DNAH10: variants seen among roughly 807,000 people sequenced by gnomAD.
The protein encoded by DNAH10 is axonemal beta dynein heavy chain 10.
A neutral mutation model predicts 506.6 loss-of-function variants in DNAH10; 348 were observed. The observed-to-expected ratio is 0.69, with a 90% CI of 0.63 to 0.75. The LOEUF (loss-of-function observed/expected upper bound fraction) is 0.75, where lower values mean the gene tolerates loss of function less well. Ranked by LOEUF, DNAH10 falls within the 30% of genes least tolerant of loss-of-function variation. DNAH10 has a pLI of 0.00. For synonymous variants in DNAH10, 2,059 were observed against 2,198.6 expected (o/e 0.94, Z 1.78); for missense variants, 5,179 against 5,787.1 (o/e 0.89, Z 3.41).
intron 56 of DNAH10, among the ~76,000 whole-genome samples, chr12:123,901,287 A>C (rs1953508205): frequency 2.0e-5 from 3 of 148,434 alleles, no homozygotes; most frequent in Admixed American, 6.7e-5. Context: ...ACCACCCCCC[A>C]CCCCCGCGCC....
intron 59 of DNAH10, among the ~76,000 whole-genome samples, chr12:123,910,902 A>C (rs535732303): frequency 8.9e-4 from 136 of 152,250 alleles, no homozygotes; most frequent in African/African-American, 3.1e-3. Context: ...ACTTCCTGTG[A>C]AAGTGTAGTA....
In DNAH10 at chr12:123,866,152, G is replaced by A. The variant is rs191273653; in HGVS notation, c.7167+79G>A. 4.2e-5 allele frequency: 49 copies of A among 1,162,480 alleles called. No homozygotes were observed. The Admixed American group carries it at 6.6e-4, about 16-fold the overall frequency. The allele number at this position is 1,162,480 out of a possible 1,614,324, so 72.0% of individuals were successfully genotyped here. A position where few individuals can be genotyped will look rare whatever the true frequency, so the allele number is the denominator to read the frequency against. On this transcript the variant is annotated intron_variant, in intron 41 of 78. Coordinates refer to ENST00000673944, the MANE Select transcript of DNAH10 (RefSeq NM_001372106.1). Reference sequence around the variant, plus strand: ...GATAACATAGTCCAGAGGGATGTTTGTAGTTGAAGGCGATGACTTTGTCCT... The same window carrying A: ...GATAACATAGTCCAGAGGGATGTTTATAGTTGAAGGCGATGACTTTGTCCT...
chr12:123,814,142 A>G (rs1323348248), intron 21 of DNAH10: 1 of 375,996 alleles, frequency 2.7e-6, no homozygotes, highest in Non-Finnish European at 4.6e-6. Flanking sequence ...TACCATTTCC[A>G]TTCTCCCTTT....
chr12:123,868,925 C>T (rs1039755778), intron 43 of DNAH10, among the ~76,000 whole-genome samples: 2 of 152,218 alleles, frequency 1.3e-5, no homozygotes, highest in Admixed American at 1.3e-4. Flanking sequence ...TTTTCAGCTC[C>T]GCCAGCCACG....
chr12:123,852,785 G>C (rs1484085484), intron 35 of DNAH10, among the ~76,000 whole-genome samples: 2 of 152,116 alleles, frequency 1.3e-5, no homozygotes, highest in Non-Finnish European at 2.9e-5. Context: ...TGTTGGCTAG[G>C]CTGGTCTTGA....
intron 56 of DNAH10, among the ~76,000 whole-genome samples, chr12:123,899,804 TCCATGTCTGTGAGC>T (rs1953434089): frequency 6.6e-6 from 1 of 152,248 alleles, no homozygotes; most frequent in Admixed American, 6.5e-5. Flanking sequence ...TTCAGCATCT[TCCATGTCTGTGAGC>T]TACCATATCT....
chr12:123,767,749 G>T, intron 2 of DNAH10, 60 bp downstream of exon 2: 1 of 1,431,462 alleles, frequency 7.0e-7, no homozygotes, highest in South Asian at 1.2e-5. Flanking sequence ...CGCAGCGGGA[G>T]TAGGGTGCTG....
chr12:123,864,540 T>C (rs1951729728), intron 39 of DNAH10, 55 bp from the exon 40 acceptor site: 1 of 1,581,904 alleles, frequency 6.3e-7, no homozygotes, highest in African/African-American at 1.4e-5. Flanking sequence ...TATACCAAGT[T>C]CCATAATTGG....
rs1458810306 is a variant in DNAH10, at chr12:123,919,196, C to G, written c.11506+247C>G. 6.6e-6 allele frequency among the ~76,000 whole-genome samples: 1 copy of G among 152,072 alleles called. No individual in the cohort carries two copies. Among genetic ancestry groups the G allele is most frequent in the Non-Finnish European group, 1.5e-5 (1 of 67,998 alleles). ...GCTCAGGTGATCCTCCTACCTCAGCCTCCAGAGTAGCTGGGACTAAAGGCA... is the reference window on the plus strand; with the variant it reads ...GCTCAGGTGATCCTCCTACCTCAGCGTCCAGAGTAGCTGGGACTAAAGGCA... On this transcript the variant is annotated intron_variant, in intron 65 of 78. Transcript: ENST00000673944. This position sits in a 1 kb window ranked among gnomAD's most constrained non-coding sequence, Gnocchi z 4.9.
At position 123,805,027 on chromosome 12, in the gene DNAH10, A is replaced by G; in HGVS notation, c.2974A>G (p.Lys992Glu). The change falls in exon 18 of 79, where the codon AAG becomes GAG. Residue 992 changes from lysine to glutamate, a missense_variant. Coordinates refer to ENST00000673944, the MANE Select transcript of DNAH10 (RefSeq NM_001372106.1). ...AAAGAAAATTTATGAGGTCCTGACA[A>G]AGCTCATCCTGAAGTAAGTTCATCT... ...WEKKIYEVLT[K>E]LILKNLQSFN... The G allele has an allele frequency of 6.2e-7, 1 of 1,614,174 alleles. No homozygotes were observed. Among genetic ancestry groups the G allele is most frequent in the Non-Finnish European group, 8.5e-7 (1 of 1,180,022 alleles).
intron 52 of DNAH10, 141 bp from the exon 53 acceptor site, chr12:123,893,092 C>G: frequency 1.2e-6 from 1 of 846,004 alleles, no homozygotes. Context: ...CAGGGAGCCT[C>G]GGGTCTCAGG....
At chr12:123,861,563 G>T (rs954221805) in intron 39 of DNAH10, among the ~76,000 whole-genome samples, 1 of 152,214 alleles carries the variant, frequency 6.6e-6, no homozygotes, top group South Asian at 2.1e-4. Flanking sequence ...AGGTAGCAAA[G>T]GGCCATGGAA....
intron 24 of DNAH10, among the ~76,000 whole-genome samples, chr12:123,822,100 G>T (rs931351718): frequency 3.3e-5 from 5 of 152,150 alleles, no homozygotes; most frequent in Non-Finnish European, 5.9e-5. Context: ...CCAGCTGCTT[G>T]GGAGGCTAAG....
chr12:123,773,088 C>T (rs962980133), intron 4 of DNAH10, 146 bp downstream of exon 4: 6 of 539,978 alleles, frequency 1.1e-5, no homozygotes, highest in South Asian at 3.0e-5. Context: ...TGGGTTCTTA[C>T]GTAGTCTTCT....
chr12:123,803,832 C>T lies in DNAH10; in HGVS notation c.2779+7C>T. The stretch of plus-strand genomic sequence containing the variant: ...AGTGAGGAAGAACTCCCAGGTAGAT[C>T]TGACTTCTGGGTTCTCCAGTTATGG... On this transcript the variant is annotated splice_region_variant and intron_variant, in intron 17 of 78. Coordinates refer to ENST00000673944, the MANE Select transcript of DNAH10 (RefSeq NM_001372106.1). The T allele has an allele frequency of 4.4e-6, 7 of 1,608,756 alleles. No homozygotes were observed. The highest frequency in any genetic ancestry group is 5.1e-6 in the Non-Finnish European group (6 of 1,178,790).
chr12:123,931,463 C>G lies in DNAH10; in HGVS notation c.12907C>G (p.Pro4303Ala). Residue 4303 changes from proline (P) to alanine (A), a missense_variant, in exon 74 of 79, where the codon CCT (proline) becomes GCT (alanine). Coordinates refer to ENST00000673944, the MANE Select transcript of DNAH10 (RefSeq NM_001372106.1). ...GTGGGCTCACCTGCTGGAGCTGCAG[C>G]CTCAGACAGGTAAACTCTACTCAGG... is the stretch of plus-strand genomic sequence containing the variant. ...DMWAHLLELQ[P>A]QTGESSSGIS... 1 of 1,613,646 alleles carries G rather than the reference C, an allele frequency of 6.2e-7. No homozygotes were observed. The highest frequency in any genetic ancestry group is 8.5e-7 in the Non-Finnish European group (1 of 1,179,708).
rs777814097 is a variant in DNAH10 at position 123,931,847 on chromosome 12, G to A, written c.13128G>A (p.Arg4376=). 2 of 1,613,900 alleles carry A rather than the reference G, an allele frequency of 1.2e-6. No individual in the cohort carries two copies. The highest frequency in any genetic ancestry group is 1.7e-6 in the Non-Finnish European group (2 of 1,179,808). The change falls in exon 75 of 79, where the codon AGG becomes AGA. Residue 4376 remains arginine (R), a splice_region_variant and synonymous_variant. Coordinates refer to ENST00000673944, the MANE Select transcript of DNAH10 (RefSeq NM_001372106.1). ...CGAAGTCTCTGGCTGAACTTCAAAG[G>A]GTGAGCCTGTCTCTCATGTGCAGAT... The part of the protein sequence containing the change: ...RMTKSLAELQ[R]ALAGEVGMSN...
rs370525055 is a variant in DNAH10, at chr12:123,799,966, G to C, written c.2290-250G>C. 2.6e-5 allele frequency among the ~76,000 whole-genome samples: 4 copies of C among 152,206 alleles called. No homozygotes were observed. The East Asian group carries it at 7.7e-4, about 29-fold the overall frequency. On this transcript the variant is annotated intron_variant, in intron 14 of 78. Transcript: ENST00000673944. ...CAACTGCTCCATGTCAGATTTTCCA[G>C]TGTTTCAAGGGAAGGCAGAAGGAAT...
intron 43 of DNAH10, among the ~76,000 whole-genome samples, chr12:123,869,378 T>TC (rs1324647835): frequency 1.3e-5 from 2 of 151,748 alleles, no homozygotes; most frequent in Non-Finnish European, 2.9e-5. Context: ...CCGAGAAAAC[T>TC]CCAAGTCTGT....
Sources: gnomAD v4.1 joint callset for allele counts (sites outside exome capture counted in the v4.1 genomes callset) on GRCh38, gnomAD v4.1.1 for gene constraint, Gnocchi (gnomAD v3.1) non-coding constraint, MANE v1.5 for transcripts, NCBI Gene and HGNC (gene_info 2026-07-23, HGNC 2026-07-21) for gene names.